Variants in NAV2 observed in about 807,000 individuals in gnomAD.
The protein encoded by NAV2 is neuron navigator 2, also known as helicase, APC down-regulated 1.
A neutral mutation model predicts 223.2 loss-of-function variants in NAV2; 54 were observed. The ratio of observed to expected loss-of-function variants is 0.24; its 90% CI spans 0.19 to 0.30. The LOEUF is 0.30. Ranked by LOEUF, NAV2 falls within the 10% of genes least tolerant of loss-of-function variation. NAV2 has a pLI of 1.00. For synonymous variants in NAV2, 1,279 were observed against 1,239.3 expected (o/e 1.03, Z -0.67); for missense variants, 2,806 against 3,147.5 (o/e 0.89, Z 2.60).
intron 3 of NAV2, among the ~76,000 whole-genome samples, chr11:19,859,825 A>C (rs1272777449): frequency 2.3e-3 from 83 of 36,122 alleles, no homozygotes; most frequent in African/African-American, 3.4e-3. Context: ...GGGGCTGACC[A>C]CCCCCAACTC....
chr11:19,782,749 A>C (rs1028883915), intron 1 of NAV2, among the ~76,000 whole-genome samples: 1 of 152,200 alleles, frequency 6.6e-6, no homozygotes, highest in African/African-American at 2.4e-5. Flanking sequence ...TTCTAATATA[A>C]GAGCAATAGC....
intron 1 of NAV2, chr11:19,506,789 G>A (rs1402315964): frequency 1.3e-5 from 2 of 152,378 alleles, no homozygotes; most frequent in East Asian, 3.9e-4. Context: ...GAGCTTCATA[G>A]TATCTGTCCA....
chr11:19,354,440 A>G (rs1308975284), intron 1 of NAV2, among the ~76,000 whole-genome samples: 1 of 152,278 alleles, frequency 6.6e-6, no homozygotes, highest in Admixed American at 6.5e-5. Flanking sequence ...TGTGGTAGAC[A>G]GTACCTTTCT....
At chr11:19,515,340 T>C (rs1590380209) in intron 1 of NAV2, among the ~76,000 whole-genome samples, 1 of 152,326 alleles carries the variant, frequency 6.6e-6, no homozygotes, top group South Asian at 2.1e-4. Flanking sequence ...GCTCAAATAT[T>C]ATATTCCATG....
chr11:20,018,728 G>A (rs998272807), intron 11 of NAV2, among the ~76,000 whole-genome samples: 4 of 152,220 alleles, frequency 2.6e-5, no homozygotes, highest in African/African-American at 9.6e-5. Context: ...AGCTCCCTGT[G>A]TTGAGGGAAA....
intron 1 of NAV2, chr11:19,503,486 A>G (rs1010853383): frequency 6.6e-6 from 1 of 152,174 alleles, no homozygotes; most frequent in Non-Finnish European, 1.5e-5. Flanking sequence ...CCCAGGAAAC[A>G]CTGATCTTTT....
chr11:19,868,120 C>T (rs2062209288), intron 3 of NAV2, among the ~76,000 whole-genome samples: 1 of 152,072 alleles, frequency 6.6e-6, no homozygotes, highest in Non-Finnish European at 1.5e-5. Context: ...TGAGTGGGGT[C>T]CCCATTGTGA....
rs2060005246 is a variant in NAV2, at chr11:19,832,591, C to A, written c.375C>A (p.Ile125=). 1.9e-6 allele frequency: 3 copies of A among 1,613,946 alleles called. No homozygotes were observed. The highest frequency in any genetic ancestry group is 2.5e-6 in the Non-Finnish European group (3 of 1,179,838). Residue 125 remains isoleucine (I), a synonymous_variant, in exon 2 of 38, where the codon ATC becomes ATA. Transcript: ENST00000349880. ...ATGGCGTCCTCCTGGCCCAGATTAT[C>A]CAGGTTGTGGGTAAGAGCAGATTTT... ...VTDGVLLAQI[I]QVVANEKIED...
intron 31 of NAV2, among the ~76,000 whole-genome samples, chr11:20,098,403 G>A (rs149138801): frequency 4.7e-4 from 72 of 152,328 alleles, no homozygotes; most frequent in Non-Finnish European, 7.8e-4. Flanking sequence ...TAAAAAGGCT[G>A]TTTAATCCAG....
chr11:19,700,319 G>A (rs577490919), intron 1 of NAV2, among the ~76,000 whole-genome samples: 1 of 152,332 alleles, frequency 6.6e-6, no homozygotes, highest in Admixed American at 6.5e-5. Flanking sequence ...AAGTGGCACA[G>A]TTCGGACCCA....
At chr11:19,465,123 A>G (rs1396825496) in intron 1 of NAV2, among the ~76,000 whole-genome samples, 4 of 152,102 alleles carry the variant, frequency 2.6e-5, no homozygotes, top group African/African-American at 7.2e-5. Flanking sequence ...AAATGGAGCT[A>G]TTTTACAGGG....
chr11:20,103,335 C>T lies in NAV2; in HGVS notation c.6498C>T (p.Ile2166=), dbSNP rs755332804. The T allele has an allele frequency of 6.2e-7, 1 of 1,614,216 alleles. No individual in the cohort carries two copies. The highest frequency in any genetic ancestry group is 8.5e-7 in the Non-Finnish European group (1 of 1,180,008). ...CTGTGGACATGCCCCTCGTCATCAT[C>T]CTGGACAACCTACACCACGTGAGCT... ...NNAVDMPLVI[I]LDNLHHVSSL... is the part of the protein sequence containing the mutation. Residue 2166 remains isoleucine, a synonymous_variant, in exon 33 of 38, where the codon ATC becomes ATT. Transcript: ENST00000349880.
intron 1 of NAV2, among the ~76,000 whole-genome samples, chr11:19,614,100 G>T (rs1276557299): frequency 6.6e-6 from 1 of 152,164 alleles, no homozygotes; most frequent in African/African-American, 2.4e-5. Flanking sequence ...GAGGGTTGTG[G>T]TCTTACCCTT....
chr11:19,872,108 C>T (rs1438445083), intron 4 of NAV2, among the ~76,000 whole-genome samples: 1 of 152,102 alleles, frequency 6.6e-6, no homozygotes, highest in Non-Finnish European at 1.5e-5. Flanking sequence ...CATTCTCAAA[C>T]TTACAAAAAG....
At chr11:19,483,595 A>C (rs1460306811) in intron 1 of NAV2, among the ~76,000 whole-genome samples, 1 of 152,208 alleles carries the variant, frequency 6.6e-6, no homozygotes, top group Non-Finnish European at 1.5e-5. Flanking sequence ...AAGAAGGAGG[A>C]AATTGTGAAG....
intron 1 of NAV2, among the ~76,000 whole-genome samples, chr11:19,535,187 A>T (rs955239467): frequency 6.6e-6 from 1 of 152,196 alleles, no homozygotes. Context: ...CAGGTGAGAC[A>T]GGAACCAGGG....
rs1564959991 is a variant in NAV2 at position 19,467,010 on chromosome 11, C to CACACACACACACACACACACACAG, written c.75+115992_75+115993insCACACACACACACAGACACACACA. Among the ~76,000 whole-genome samples, 416 of 135,902 alleles carry CACACACACACACACACACACACAG rather than the reference C, an allele frequency of 3.1e-3. 2 individuals are homozygous for CACACACACACACACACACACACAG. Among genetic ancestry groups the CACACACACACACACACACACACAG allele is most frequent in the African/African-American group, 0.011 (402 of 37,582 alleles). 89.2% of individuals were successfully genotyped at this position (135,902 alleles called of 152,430 possible). On this transcript the variant is annotated intron_variant, in intron 1 of 37. Transcript: ENST00000360655. ...ACACACACACACACACACACACACACACACACACAGAGAGAGAGAGAGAGA... is the reference window on the plus strand; with the variant it reads ...ACACACACACACACACACACACACACACACACACACACACACACACACAGACACACACAGAGAGAGAGAGAGAGA...
At chr11:20,083,934 A>G (rs1229937227) in intron 26 of NAV2, among the ~76,000 whole-genome samples, 1 of 152,234 alleles carries the variant, frequency 6.6e-6, no homozygotes, top group Non-Finnish European at 1.5e-5. Flanking sequence ...CACTGAAGAC[A>G]GCATAAGTGT....
chr11:19,506,007 G>A (rs12805869), intron 1 of NAV2: 20,861 of 152,274 alleles, frequency 0.14, 1,531 homozygotes, highest in Admixed American at 0.19. Flanking sequence ...AGCATGACAC[G>A]TGGGATTCAG....
Sources: gnomAD v4.1 joint callset for allele counts (sites outside exome capture counted in the v4.1 genomes callset) on GRCh38, gnomAD v4.1.1 for gene constraint, MANE v1.5 for transcripts, NCBI Gene and HGNC (gene_info 2026-07-23, HGNC 2026-07-21) for gene names.